The following GXYLT1 variants were observed in gnomAD, a reference collection of about 807,000 sequenced individuals.
GXYLT1 encodes glycosyltransferase 8 domain containing 3.
Under a neutral mutation model 54.0 loss-of-function variants are expected in GXYLT1, and 29 were observed. The ratio of observed to expected loss-of-function variants is 0.54; its 90% CI spans 0.40 to 0.73. GXYLT1 has a LOEUF of 0.73. GXYLT1 is among the 30% of genes least tolerant of loss of function. GXYLT1 has a pLI of 0.00. For synonymous variants in GXYLT1, 176 were observed against 204.1 expected (o/e 0.86, Z 1.17); for missense variants, 490 against 553.4 (o/e 0.89, Z 1.15).
chr12:42,089,722 G>C (rs890114457), intron 7 of GXYLT1, among the ~76,000 whole-genome samples: 2 of 152,168 alleles, frequency 1.3e-5, no homozygotes, highest in African/African-American at 4.8e-5. Context: ...ACAACACCAT[G>C]CCAAGTCAGT....
chr12:42,114,939 A>C, intron 3 of GXYLT1, among the ~76,000 whole-genome samples: 1 of 152,210 alleles, frequency 6.6e-6, no homozygotes, highest in African/African-American at 2.4e-5. Flanking sequence ...ACCATGATCA[A>C]GTGGGCTTCA....
At position 42,109,560 on chromosome 12, in the gene GXYLT1, A is replaced by G; in HGVS notation, c.612+6T>C. On this transcript the variant is annotated splice_donor_region_variant and intron_variant, in intron 4 of 7. Transcript: ENST00000398675. Reference sequence around the variant, plus strand: ...AAAAAAAAAGACACTAGGGGAAAAAACTTACCGGCAAGAACAATCTCTGCG... The same window carrying G: ...AAAAAAAAAGACACTAGGGGAAAAAGCTTACCGGCAAGAACAATCTCTGCG... The G allele has an allele frequency of 1.3e-6, 2 of 1,492,910 alleles. No homozygotes were observed. Among genetic ancestry groups the G allele is most frequent in the Non-Finnish European group, 1.8e-6 (2 of 1,126,948 alleles). The allele number at this position is 1,492,910 out of a possible 1,614,324, so 92.5% of individuals were successfully genotyped here. A position where few individuals can be genotyped will look rare whatever the true frequency, so the allele number is the denominator to read the frequency against.
rs1220549101 is a variant in GXYLT1, at chr12:42,083,694, T to C, written c.*4092A>G. The C allele has an allele frequency of 6.6e-6, 1 of 152,272 alleles. No homozygotes were observed. Among genetic ancestry groups the C allele is most frequent in the African/African-American group, 2.4e-5 (1 of 41,478 alleles). 9.4% of individuals were successfully genotyped at this position (152,272 alleles called of 1,614,324 possible). ...ACTCAGAATGGTTCAACTGAAAGTA[T>C]CCCAACTGAGGAATAAATAGGTGTA... is the stretch of plus-strand genomic sequence containing the variant. On this transcript the variant is annotated 3_prime_UTR_variant, in exon 8 of 8. Coordinates refer to ENST00000398675, the MANE Select transcript of GXYLT1 (RefSeq NM_173601.2).
chr12:42,129,509 AG>A (rs1463129488), intron 2 of GXYLT1, among the ~76,000 whole-genome samples: 3 of 152,234 alleles, frequency 2.0e-5, no homozygotes, highest in Non-Finnish European at 4.4e-5. Flanking sequence ...ACCAAAAGTT[AG>A]ATCATAAATT....
chr12:42,138,626 A>C (rs2065634751), intron 1 of GXYLT1, among the ~76,000 whole-genome samples: 1 of 152,240 alleles, frequency 6.6e-6, no homozygotes, highest in Non-Finnish European at 1.5e-5. Flanking sequence ...TGAAAACAAA[A>C]ATCATAAACC....
At chr12:42,127,588 AG>A (rs919521002) in intron 2 of GXYLT1, among the ~76,000 whole-genome samples, 1 of 152,218 alleles carries the variant, frequency 6.6e-6, no homozygotes, top group Admixed American at 6.5e-5. Flanking sequence ...GATTCCGACT[AG>A]GTAAATTTCC....
chr12:42,121,954 A>G (rs985099333), intron 2 of GXYLT1, among the ~76,000 whole-genome samples: 5 of 152,156 alleles, frequency 3.3e-5, no homozygotes, highest in African/African-American at 1.2e-4. Context: ...AATCTAAAGT[A>G]AGCTTCTATA....
chr12:42,111,575 C>A (rs2065456281), intron 3 of GXYLT1, among the ~76,000 whole-genome samples: 1 of 152,222 alleles, frequency 6.6e-6, no homozygotes, highest in South Asian at 2.1e-4. Flanking sequence ...GACAGCCAGG[C>A]TGGAGGCGGG....
At chr12:42,127,722 C>T (rs978046607) in intron 2 of GXYLT1, among the ~76,000 whole-genome samples, 4 of 152,164 alleles carry the variant, frequency 2.6e-5, no homozygotes, top group South Asian at 2.1e-4. Flanking sequence ...CAGCTTCAAG[C>T]TAGTGGAATT....
In GXYLT1 at chr12:42,106,039, A is replaced by G; in HGVS notation, c.643T>C (p.Tyr215His). Residue 215 changes from tyrosine to histidine, a missense_variant, in exon 5 of 8, where the codon TAT becomes CAT. Tyr to His is a moderately conservative substitution (Grantham distance 83, BLOSUM62 2). Around this residue, in one of 2 missense-constraint regions of GXYLT1, gnomAD observed 342 missense variants for 342.6 expected, o/e 1.00. Coordinates refer to ENST00000398675, the MANE Select transcript of GXYLT1 (RefSeq NM_173601.2). ...LILKEVDSLLYVDTDILFLRP... is the reference protein window; with the variant it reads ...LILKEVDSLLHVDTDILFLRP... ...AAAAAAAGGATATCAGTGTCGACAT[A>G]CAATAGTGAGTCAACTTCTTTCAGG... 6.2e-7 allele frequency: 1 copy of G among 1,608,806 alleles called. No individual in the cohort carries two copies. Among genetic ancestry groups the G allele is most frequent in the Non-Finnish European group, 8.5e-7 (1 of 1,175,492 alleles).
At chr12:42,125,702 A>C (rs1055167859) in intron 2 of GXYLT1, among the ~76,000 whole-genome samples, 1 of 152,136 alleles carries the variant, frequency 6.6e-6, no homozygotes, top group Non-Finnish European at 1.5e-5. Flanking sequence ...CTGAGGTGTG[A>C]AGTTCTTTTT....
At chr12:42,112,244 T>G (rs1430354791) in intron 3 of GXYLT1, among the ~76,000 whole-genome samples, 1 of 152,136 alleles carries the variant, frequency 6.6e-6, no homozygotes, top group Non-Finnish European at 1.5e-5. Flanking sequence ...GTGCCTCTCC[T>G]CCTCCAAAGG....
chr12:42,111,266 G>C (rs532108227), intron 3 of GXYLT1, among the ~76,000 whole-genome samples: 2 of 152,350 alleles, frequency 1.3e-5, no homozygotes, highest in South Asian at 4.1e-4. Context: ...TCACTGGGGA[G>C]TGCCAGACAG....
intron 3 of GXYLT1, among the ~76,000 whole-genome samples, chr12:42,110,669 GCCTCCCAAGTAGCTGGGA>G (rs2065448111): frequency 6.6e-6 from 1 of 152,008 alleles, no homozygotes; most frequent in Admixed American, 6.6e-5. Flanking sequence ...CCCACCTCAG[GCCTCCCAAGTAGCTGGGA>G]CTACAGGTGC....
intron 1 of GXYLT1, among the ~76,000 whole-genome samples, chr12:42,131,150 T>A (rs1419734481): frequency 2.6e-5 from 4 of 152,124 alleles, no homozygotes; most frequent in Non-Finnish European, 4.4e-5. Context: ...CACCTTACAT[T>A]ACAAAAAAAT....
intron 1 of GXYLT1, among the ~76,000 whole-genome samples, chr12:42,140,395 A>AT (rs1221765745): frequency 1.3e-5 from 2 of 152,094 alleles, no homozygotes; most frequent in Non-Finnish European, 1.5e-5. Context: ...AGAAATTGGA[A>AT]GAAAAAAAAA....
chr12:42,116,280 G>A (rs931085082), intron 3 of GXYLT1, among the ~76,000 whole-genome samples: 46 of 152,126 alleles, frequency 3.0e-4, no homozygotes, highest in African/African-American at 1.0e-3. Flanking sequence ...ATTGACAAAT[G>A]GGATCTAATT....
Position 42,130,564 on chromosome 12 carries a change from T to C in GXYLT1, c.222-713A>G, listed in dbSNP as rs188124787. Among the ~76,000 whole-genome samples the C allele has an allele frequency of 8.1e-3, 1,227 of 152,174 alleles. 8 individuals carry two copies. Among genetic ancestry groups the C allele is most frequent in the Non-Finnish European group, 0.011 (756 of 67,994 alleles). ...AGTCACTATAAAAAAAAACAGTATA[T>C]AGAGATTCCTCAAAAAACTGAAAAT... On this transcript the variant is annotated intron_variant, in intron 1 of 7. Transcript: ENST00000398675.
At chr12:42,131,000 C>A (rs1457932460) in intron 1 of GXYLT1, among the ~76,000 whole-genome samples, 1 of 152,060 alleles carries the variant, frequency 6.6e-6, no homozygotes, top group Non-Finnish European at 1.5e-5. Flanking sequence ...CCCAAAAAAA[C>A]CCGAAAATCA....
Sources: gnomAD v4.1 joint callset for allele counts (sites outside exome capture counted in the v4.1 genomes callset) on GRCh38, gnomAD v4.1.1 for gene constraint, gnomAD v4.1.1 regional missense constraint, MANE v1.5 for transcripts, NCBI Gene and HGNC (gene_info 2026-07-23, HGNC 2026-07-21) for gene names.